BBS4: variants seen among roughly 807,000 people sequenced by gnomAD.
BBS4 encodes Bardet-Biedl syndrome 4, also known as BBSome complex member BBS4.
In BBS4, 58 loss-of-function variants were observed where a neutral mutation model predicts 71.4. The observed-to-expected ratio is 0.81, with a 90% CI of 0.66 to 1.01. The LOEUF (loss-of-function observed/expected upper bound fraction) is 1.01. Among genes scored for constraint, BBS4 ranks in the 50% least tolerant of loss-of-function variants. The pLI is 0.00. For synonymous variants in BBS4, 228 were observed against 216.8 expected (o/e 1.05, Z -0.46); for missense variants, 660 against 607.9 (o/e 1.09, Z -0.90).
At chr15:72,717,406 G>C (rs1283991591) in intron 6 of BBS4, 1 of 153,734 alleles carries the variant, frequency 6.5e-6, no homozygotes, top group African/African-American at 2.4e-5. Context: ...GTCCAGGTAA[G>C]TAGTTGCTGG....
rs762713815 is a variant in BBS4 at position 72,737,696 on chromosome 15, G to A, written c.*109G>A. ...AGAGTGGCACCCACCACAGAATACA[G>A]TGTGTGTTATTACGAGGAGCCAGCA... On this transcript the variant is annotated 3_prime_UTR_variant, in exon 16 of 16. Transcript: ENST00000268057. The A allele has an allele frequency of 6.7e-6, 6 of 889,284 alleles. No homozygotes were observed. Among genetic ancestry groups the A allele is most frequent in the Admixed American group, 2.0e-5 (1 of 49,578 alleles). The allele number at this position is 889,284 out of a possible 1,614,324, so 55.1% of individuals were successfully genotyped here.
At chr15:72,727,552 G>A (rs2065726409) in intron 8 of BBS4, among the ~76,000 whole-genome samples, 1 of 152,126 alleles carries the variant, frequency 6.6e-6, no homozygotes, top group Non-Finnish European at 1.5e-5. Context: ...TGAGCACAAT[G>A]AGGATAGAAA....
At chr15:72,731,496 T>G in intron 11 of BBS4, 39 bp downstream of exon 11, 1 of 1,614,194 alleles carries the variant, frequency 6.2e-7, no homozygotes, top group Non-Finnish European at 8.5e-7. Context: ...TATTTCTACA[T>G]GTGGTTATTG....
At chr15:72,709,606 G>A (rs960899994) in intron 2 of BBS4, 94 bp from the exon 3 acceptor site, 1 of 880,244 alleles carries the variant, frequency 1.1e-6, no homozygotes, top group African/African-American at 1.6e-5. Context: ...ATGTGATATT[G>A]CAGTATGTTT....
At chr15:72,732,220 T>C (rs1277990052) in intron 12 of BBS4, among the ~76,000 whole-genome samples, 1 of 152,212 alleles carries the variant, frequency 6.6e-6, no homozygotes, top group Non-Finnish European at 1.5e-5. Flanking sequence ...TCTATTATTA[T>C]CAATATTGTT....
chr15:72,727,871 A>G lies in BBS4; in HGVS notation c.588-69A>G, dbSNP rs1595942394. The G allele has an allele frequency of 2.0e-5, 23 of 1,179,044 alleles. No individual in the cohort carries two copies. The East Asian group carries it at 4.9e-4, about 25-fold the overall frequency. 73.0% of individuals were successfully genotyped at this position (1,179,044 alleles called of 1,614,324 possible). A position where few individuals can be genotyped will look rare whatever the true frequency, so the allele number is the denominator to read the frequency against. ...TCTGTCAAGTATTGCACGAGGGCAT[A>G]TTACTGTGCATGTGTCTTCGTGTTT... is the stretch of plus-strand genomic sequence containing the variant. On this transcript the variant is annotated intron_variant, in intron 8 of 15. Coordinates refer to ENST00000268057, the MANE Select transcript of BBS4 (RefSeq NM_033028.5).
At chr15:72,731,204 T>C in intron 10 of BBS4, 101 bp from the exon 11 acceptor site, 1 of 1,412,432 alleles carries the variant, frequency 7.1e-7, no homozygotes, top group South Asian at 1.2e-5. Context: ...TCCAGTCCCA[T>C]CTATGCTGAT....
intron 2 of BBS4, among the ~76,000 whole-genome samples, chr15:72,696,701 T>C (rs1470794861): frequency 6.6e-6 from 1 of 152,016 alleles, no homozygotes; most frequent in East Asian, 1.9e-4. Flanking sequence ...TGGGTTCAAA[T>C]GGTTTTCCCC....
chr15:72,686,216 G>A lies in BBS4; in HGVS notation c.-12G>A, dbSNP rs773979524. On this transcript the variant is annotated 5_prime_UTR_variant, in exon 1 of 16. Coordinates refer to ENST00000268057, the MANE Select transcript of BBS4 (RefSeq NM_033028.5). ...GCCGACTTCCGGCCGCGCAGCGGTG[G>A]GCTGAGCTAAAATGGCTGAGGAGAG... 1.2e-5 allele frequency: 18 copies of A among 1,560,540 alleles called. No individual in the cohort carries two copies. Among genetic ancestry groups the A allele is most frequent in the Non-Finnish European group, 1.6e-5 (18 of 1,153,300 alleles).
At chr15:72,706,259 C>G (rs2065262569) in intron 2 of BBS4, among the ~76,000 whole-genome samples, 1 of 152,064 alleles carries the variant, frequency 6.6e-6, no homozygotes, top group Admixed American at 6.6e-5. Context: ...GCCTCAGCCT[C>G]CCGAGTAGCT....
intron 1 of BBS4, among the ~76,000 whole-genome samples, chr15:72,694,024 A>G (rs1312777728): frequency 6.6e-6 from 1 of 151,792 alleles, no homozygotes; most frequent in Non-Finnish European, 1.5e-5. Context: ...AGCTGGGATT[A>G]CAGGTGCCTG....
intron 14 of BBS4, 93 bp downstream of exon 14, chr15:72,736,059 C>A: frequency 1.4e-6 from 2 of 1,433,418 alleles, no homozygotes; most frequent in Non-Finnish European, 9.7e-7. Context: ...AGGTATTACA[C>A]GTTCATGGCT....
chr15:72,729,120 A>AT (rs1398073828), intron 9 of BBS4, among the ~76,000 whole-genome samples: 1 of 127,082 alleles, frequency 7.9e-6, no homozygotes, highest in African/African-American at 3.1e-5. Context: ...ATGACTGGGG[A>AT]TTTTTAGTTT....
intron 8 of BBS4, among the ~76,000 whole-genome samples, chr15:72,726,895 A>C (rs2065712737): frequency 6.6e-6 from 1 of 152,206 alleles, no homozygotes; most frequent in South Asian, 2.1e-4. Flanking sequence ...TAAATTTCCT[A>C]AGGGAGAAAT....
At chr15:72,731,178 T>C (rs1359296556) in intron 10 of BBS4, 127 bp from the exon 11 acceptor site, 1 of 1,085,154 alleles carries the variant, frequency 9.2e-7, no homozygotes, top group Non-Finnish European at 1.3e-6. Context: ...TATATTTATG[T>C]CCCTGGAAGA....
At chr15:72,714,676 A>G (rs776480154) in intron 4 of BBS4, among the ~76,000 whole-genome samples, 15 of 152,174 alleles carry the variant, frequency 9.9e-5, no homozygotes, top group Admixed American at 3.3e-4. Flanking sequence ...TTCTGACATA[A>G]TTGTTAAGAT....
chr15:72,736,718 G>A, intron 14 of BBS4, 44 bp from the exon 15 acceptor site: 1 of 1,603,282 alleles, frequency 6.2e-7, no homozygotes, highest in Non-Finnish European at 8.5e-7. Context: ...GCTTGTCTCT[G>A]ACAGTCACGC....
At chr15:72,737,336 TATA>T (rs769111266) in intron 15 of BBS4, 139 bp from the exon 16 acceptor site, 14 of 722,672 alleles carry the variant, frequency 1.9e-5, no homozygotes, top group Admixed American at 4.9e-5. Flanking sequence ...ATTTCTCAGT[TATA>T]GTCTTCCCTT....
At chr15:72,731,165 G>T in intron 10 of BBS4, 140 bp from the exon 11 acceptor site, 2 of 800,408 alleles carry the variant, frequency 2.5e-6, no homozygotes, top group East Asian at 3.3e-5. Flanking sequence ...CCAATAGGTT[G>T]GATATATTTA....
Sources: gnomAD v4.1 joint callset for allele counts (sites outside exome capture counted in the v4.1 genomes callset) on GRCh38, gnomAD v4.1.1 for gene constraint, MANE v1.5 for transcripts, NCBI Gene and HGNC (gene_info 2026-07-23, HGNC 2026-07-21) for gene names.